PIK3C2G: variants seen among roughly 807,000 people sequenced by gnomAD.
The protein encoded by PIK3C2G is phosphatidylinositol 3-kinase C2 domain-containing subunit gamma.
PIK3C2G carries 168 observed loss-of-function variants against 181.1 expected under a neutral mutation model. That is an observed-to-expected ratio of 0.93 (90% CI 0.82 to 1.05). The LOEUF is 1.05. Among genes scored for constraint, PIK3C2G ranks in the 50% least tolerant of loss-of-function variants. The pLI is 0.00. For missense variants in PIK3C2G, 1,869 were observed against 1,732.8 expected (o/e 1.08, Z -1.40); for synonymous variants, 573 against 592.2 (o/e 0.97, Z 0.47).
At chr12:18,490,048 CA>C (rs1417201062) in intron 19 of PIK3C2G, among the ~76,000 whole-genome samples, 3 of 152,014 alleles carry the variant, frequency 2.0e-5, no homozygotes, top group African/African-American at 7.3e-5. Context: ...TAATTTCTCA[CA>C]AAAATTTAAG....
At position 18,322,957 on chromosome 12, in the gene PIK3C2G, C is replaced by T. The variant is rs147407844; in HGVS notation, c.1208+1925C>T. On this transcript the variant is annotated intron_variant, in intron 7 of 32. Coordinates refer to ENST00000538779, the MANE Select transcript of PIK3C2G (RefSeq NM_001288772.2). ...AGAGAAAGGGAGAGAAACACACATA[C>T]ACCTCAAATATGGGAAGTTTTTCAA... is the stretch of plus-strand genomic sequence containing the variant. Among the ~76,000 whole-genome samples, 318 of 152,240 alleles carry T rather than the reference C, an allele frequency of 2.1e-3. 2 individuals are homozygous for T. The highest frequency in any genetic ancestry group is 7.4e-3 in the African/African-American group (307 of 41,522).
At chr12:18,364,389 T>C (rs111350664) in intron 12 of PIK3C2G, among the ~76,000 whole-genome samples, 10 of 152,320 alleles carry the variant, frequency 6.6e-5, no homozygotes, top group African/African-American at 2.4e-4. Flanking sequence ...TGGGCAAAAT[T>C]GTTCATCTTT....
chr12:18,427,449 C>T (rs1262263217), intron 18 of PIK3C2G, among the ~76,000 whole-genome samples: 2 of 145,700 alleles, frequency 1.4e-5, no homozygotes, highest in African/African-American at 2.5e-5. Flanking sequence ...TGCAGTGAGC[C>T]GAGATCGCGC....
At chr12:18,257,991 G>T (rs1316998493), upstream of PIK3C2G, among the ~76,000 whole-genome samples, 1 of 152,090 alleles carries the variant, frequency 6.6e-6, no homozygotes, top group Non-Finnish European at 1.5e-5. Context: ...CGGCTGCAAA[G>T]GCATATGGGA....
chr12:18,403,559 A>AT (rs1284762286), intron 16 of PIK3C2G, among the ~76,000 whole-genome samples: 4 of 152,082 alleles, frequency 2.6e-5, no homozygotes, highest in Non-Finnish European at 4.4e-5. Flanking sequence ...TGAACAATCT[A>AT]TTTTTTTAAA....
intron 26 of PIK3C2G, among the ~76,000 whole-genome samples, chr12:18,550,976 A>G (rs752811288): frequency 2.0e-5 from 3 of 151,992 alleles, no homozygotes; most frequent in Non-Finnish European, 2.9e-5. Flanking sequence ...ACAACCCAAG[A>G]TTTTTCCTCA....
At chr12:18,511,009 A>G (rs1288504360) in intron 24 of PIK3C2G, among the ~76,000 whole-genome samples, 1 of 152,082 alleles carries the variant, frequency 6.6e-6, no homozygotes, top group East Asian at 1.9e-4. Flanking sequence ...TCACTCCCTA[A>G]GACTCTGATA....
chr12:18,274,849 A>G (rs1238342627), intron 1 of PIK3C2G, among the ~76,000 whole-genome samples: 2 of 152,172 alleles, frequency 1.3e-5, no homozygotes, highest in African/African-American at 4.8e-5. Context: ...TCCACCTTTT[A>G]TTAAAGTTGA....
chr12:18,661,343 G>GAC, the PIK3C2G span, among the ~76,000 whole-genome samples: 59,606 of 150,918 alleles, frequency 0.39, 13,846 homozygotes, highest in South Asian at 0.59. Context: ...CCCGTACCAA[G>GAC]ACATTATAAT....
chr12:18,448,663 T>C (rs1947164297), intron 18 of PIK3C2G, among the ~76,000 whole-genome samples: 1 of 152,108 alleles, frequency 6.6e-6, no homozygotes, highest in Non-Finnish European at 1.5e-5. Context: ...GCTTATTTCA[T>C]GTAATGTCCT....
At chr12:18,395,188 T>A (rs988092834) in intron 15 of PIK3C2G, among the ~76,000 whole-genome samples, 1 of 150,126 alleles carries the variant, frequency 6.7e-6, no homozygotes. Context: ...AGGTACCTTA[T>A]AGAGAAATTG....
Position 18,369,672 on chromosome 12 carries a change from TATG to T in PIK3C2G, c.1749-1505_1749-1503del, listed in dbSNP as rs1480730825. ...TCATATAACGGTCGTATAATTGACA[TATG>T]ATCATATAACGGTCGTATAATTGAC... On this transcript the variant is annotated intron_variant, in intron 12 of 32. Transcript: ENST00000538779. Among the ~76,000 whole-genome samples, 12 of 91,792 alleles carry T rather than the reference TATG, an allele frequency of 1.3e-4. 1 individual carries two copies. The highest frequency in any genetic ancestry group is 5.5e-4 in the African/African-American group (12 of 21,866). The allele number at this position is 91,792 out of a possible 152,430, so 60.2% of individuals were successfully genotyped here. A position where few individuals can be genotyped will look rare whatever the true frequency, so the allele number is the denominator to read the frequency against.
At chr12:18,395,084 C>CTTTCT (rs1353162233) in intron 15 of PIK3C2G, among the ~76,000 whole-genome samples, 14 of 141,580 alleles carry the variant, frequency 9.9e-5, no homozygotes, top group Admixed American at 7.9e-4. Context: ...TCTTTCATTC[C>CTTTCT]TTCTTTCTTT....
At chr12:18,293,858 T>A in intron 4 of PIK3C2G, 43 bp from the exon 5 acceptor site, 1 of 946,138 alleles carries the variant, frequency 1.1e-6, no homozygotes, top group Non-Finnish European at 1.7e-6. Context: ...AGTCAGTATA[T>A]GATACACTTT....
chr12:18,545,200 T>C (rs919628198), intron 25 of PIK3C2G, among the ~76,000 whole-genome samples: 11 of 151,876 alleles, frequency 7.2e-5, no homozygotes, highest in African/African-American at 2.7e-4. Context: ...CCAGCCTGGG[T>C]TTCTTTCTGC....
intron 24 of PIK3C2G, among the ~76,000 whole-genome samples, chr12:18,517,307 C>A (rs1942615942): frequency 6.6e-6 from 1 of 151,970 alleles, no homozygotes. Context: ...TTACAAAGAG[C>A]ACCAAAACTT....
At chr12:18,613,120 T>G (rs1392074830) in intron 31 of PIK3C2G, among the ~76,000 whole-genome samples, 1 of 152,120 alleles carries the variant, frequency 6.6e-6, no homozygotes. Flanking sequence ...GTCCTTAAAA[T>G]GCTCTCTTTC....
chr12:18,656,511 G>C, the PIK3C2G span, among the ~76,000 whole-genome samples: 1 of 152,164 alleles, frequency 6.6e-6, no homozygotes, highest in Non-Finnish European at 1.5e-5. Context: ...GTTGCAGTGA[G>C]ACAAGATCAC....
At chr12:18,553,809 T>G (rs1944858856) in intron 26 of PIK3C2G, among the ~76,000 whole-genome samples, 1 of 152,158 alleles carries the variant, frequency 6.6e-6, no homozygotes, top group African/African-American at 2.4e-5. Flanking sequence ...TCATTTTCTC[T>G]TGTATCCCTC....
Sources: allele counts gnomAD v4.1 joint callset (sites outside exome capture counted in the v4.1 genomes callset), GRCh38; gene constraint gnomAD v4.1.1; transcripts MANE v1.5; gene names NCBI Gene and HGNC (gene_info 2026-07-23, HGNC 2026-07-21).